The following MTNR1B variants were observed in gnomAD, a reference collection of about 807,000 sequenced individuals.
The protein encoded by MTNR1B is melatonin receptor 1B, also known as melatonin receptor type 1B.
Under a neutral mutation model 7.0 loss-of-function variants are expected in MTNR1B, and 7 were observed. The observed-to-expected ratio is 1.00, with a 90% CI of 0.57 to 1.88. The LOEUF (loss-of-function observed/expected upper bound fraction) is 1.88. Ranked by LOEUF, MTNR1B falls within the 40% of genes most tolerant of loss-of-function variation. The pLI is 0.00. For missense variants in MTNR1B, 478 were observed against 486.5 expected, an observed-to-expected ratio of 0.98 and a Z score of 0.16; for synonymous variants, 226 against 208.2, an observed-to-expected ratio of 1.09 and a Z score of -0.74.
chr11:92,974,893 C>T (rs182160407), intron 1 of MTNR1B, among the ~76,000 whole-genome samples: 109 of 152,216 alleles, frequency 7.2e-4, no homozygotes, highest in African/African-American at 2.4e-3. Context: ...TGAGCCACCG[C>T]GCCCGGCCTA....
chr11:92,970,258 G>A (rs1406026671), intron 1 of MTNR1B, among the ~76,000 whole-genome samples: 1 of 152,198 alleles, frequency 6.6e-6, no homozygotes, highest in East Asian at 1.9e-4. Flanking sequence ...ACCCCGTCGC[G>A]CTCCAATGCG....
chr11:92,984,734 C>T (rs1591909576), downstream of MTNR1B: 2 of 376,838 alleles, frequency 5.3e-6, no homozygotes, highest in East Asian at 7.3e-5. Context: ...TTCCTGGGCC[C>T]ATAGCTGTTA....
chr11:92,980,575 G>A (rs1858086943), intron 1 of MTNR1B, among the ~76,000 whole-genome samples: 1 of 152,116 alleles, frequency 6.6e-6, no homozygotes, highest in Admixed American at 6.5e-5. Flanking sequence ...TTAATTGATG[G>A]GTGTATCATT....
intron 1 of MTNR1B, among the ~76,000 whole-genome samples, chr11:92,977,736 T>C (rs1858032408): frequency 6.6e-6 from 1 of 152,228 alleles, no homozygotes; most frequent in South Asian, 2.1e-4. Context: ...CATGGGCATC[T>C]CAATGGCAGG....
chr11:92,982,946 C>G (rs895508975), downstream of MTNR1B, among the ~76,000 whole-genome samples: 14 of 95,140 alleles, frequency 1.5e-4, 3 homozygotes, highest in African/African-American at 3.6e-4. Context: ...ACCCCCCCCC[C>G]CCACACACAC....
In MTNR1B at chr11:92,981,937, C is replaced by T; in HGVS notation, c.714C>T (p.Ser238=). The stretch of plus-strand genomic sequence containing the variant: ...CCCGCAGGAAAGCCAAGCCAGAGAG[C>T]AGGCTGTGCCTGAAGCCCAGCGACT... ...LQARRKAKPE[S]RLCLKPSDLR... is the part of the protein sequence containing the mutation. The change falls in exon 2 of 2, where the codon AGC becomes AGT. Residue 238 remains serine, a synonymous_variant. Coordinates refer to ENST00000257068, the MANE Select transcript of MTNR1B (RefSeq NM_005959.5). The T allele has an allele frequency of 6.2e-7, 1 of 1,614,238 alleles. No homozygotes were observed. The highest frequency in any genetic ancestry group is 8.5e-7 in the Non-Finnish European group (1 of 1,180,048).
downstream of MTNR1B, among the ~76,000 whole-genome samples, chr11:92,983,942 G>A (rs1367694941): frequency 1.3e-5 from 2 of 152,142 alleles, no homozygotes; most frequent in African/African-American, 2.4e-5. Flanking sequence ...CAAAAATGTG[G>A]AATGATTGCC....
At chr11:92,977,878 C>T (rs544672764) in intron 1 of MTNR1B, among the ~76,000 whole-genome samples, 1 of 152,310 alleles carries the variant, frequency 6.6e-6, no homozygotes, top group African/African-American at 2.4e-5. Context: ...TGTTAGAAAA[C>T]ATAGATCATT....
Position 92,982,355 on chromosome 11 carries a change from T to C in MTNR1B, c.*43T>C, listed in dbSNP as rs1047045233. ...CCAGCAGCATGACAAACTCATGAAA[T>C]GGTGGGAGAGAGTCTGCTGCAAGGG... On this transcript the variant is annotated 3_prime_UTR_variant, in exon 2 of 2. Transcript: ENST00000257068. 3 of 1,580,898 alleles carry C rather than the reference T, an allele frequency of 1.9e-6. No individual in the cohort carries two copies. Among genetic ancestry groups the C allele is most frequent in the Admixed American group, 1.8e-5 (1 of 55,658 alleles).
Position 92,981,870 on chromosome 11 carries a change from T to C in MTNR1B, c.647T>C (p.Val216Ala). 3 of 1,614,204 alleles carry C rather than the reference T, an allele frequency of 1.9e-6. No individual in the cohort carries two copies. Among genetic ancestry groups the C allele is most frequent in the Non-Finnish European group, 2.5e-6 (3 of 1,180,024 alleles). The change falls in exon 2 of 2, where the codon GTG (valine) becomes GCG (alanine). Residue 216 changes from valine (V) to alanine (A), a missense_variant. Val to Ala is a moderately conservative substitution (Grantham distance 64, BLOSUM62 0). Transcript: ENST00000257068. ...CACTTCCTCCTCCCTATCGCTGTCG[T>C]GTCCTTCTGCTACCTGCGCATCTGG... ...VIHFLLPIAVVSFCYLRIWVL... is the reference protein window; with the variant it reads ...VIHFLLPIAVASFCYLRIWVL...
intron 1 of MTNR1B, 82 bp downstream of exon 1, chr11:92,970,030 C>T: frequency 7.2e-7 from 1 of 1,389,446 alleles, no homozygotes; most frequent in Non-Finnish European, 9.5e-7. Context: ...GGGATATGCG[C>T]TGCCTTTTCC....
chr11:92,981,958 C>G lies in MTNR1B; in HGVS notation c.735C>G (p.Ser245Arg). 6.2e-7 allele frequency: 1 copy of G among 1,614,250 alleles called. No homozygotes were observed. Among genetic ancestry groups the G allele is most frequent in the Non-Finnish European group, 8.5e-7 (1 of 1,180,050 alleles). The stretch of plus-strand genomic sequence containing the variant: ...AGAGCAGGCTGTGCCTGAAGCCCAG[C>G]GACTTGCGGAGCTTTCTAACCATGT... ...KPESRLCLKP[S>R]DLRSFLTMFV... The change falls in exon 2 of 2, where the codon AGC (serine) becomes AGG (arginine). Residue 245 changes from serine (S) to arginine (R), a missense_variant. By Grantham distance (110) the Ser-to-Arg change is moderately radical. Transcript: ENST00000257068.
intron 1 of MTNR1B, among the ~76,000 whole-genome samples, chr11:92,975,946 T>C (rs1208294323): frequency 6.6e-6 from 1 of 152,246 alleles, no homozygotes; most frequent in African/African-American, 2.4e-5. Context: ...CTTGGACTCC[T>C]TCCTGAATGT....
chr11:92,977,055 A>T (rs1483162558), intron 1 of MTNR1B, among the ~76,000 whole-genome samples: 1 of 152,222 alleles, frequency 6.6e-6, no homozygotes, highest in African/African-American at 2.4e-5. Flanking sequence ...ATCTCTTTTG[A>T]TGGTTATTGA....
At chr11:92,972,723 C>T (rs1299764025) in intron 1 of MTNR1B, 2 of 353,586 alleles carry the variant, frequency 5.7e-6, no homozygotes, top group South Asian at 2.2e-5. Context: ...TACTGAGAGC[C>T]GTTGAGAACT....
chr11:92,980,444 C>A (rs970471817), intron 1 of MTNR1B, among the ~76,000 whole-genome samples: 16 of 152,222 alleles, frequency 1.1e-4, no homozygotes, highest in African/African-American at 3.6e-4. Flanking sequence ...GTTCTTGGTG[C>A]TCTATTCGTG....
downstream of MTNR1B, among the ~76,000 whole-genome samples, chr11:92,983,535 AG>A: frequency 6.7e-6 from 1 of 149,124 alleles, no homozygotes; most frequent in Non-Finnish European, 1.5e-5. Flanking sequence ...AAAAAAAAAA[AG>A]AAGAAGAAGT....
rs756588201 is a variant in MTNR1B, at chr11:92,969,929, C to A, written c.204C>A (p.Asn68Lys). 30 of 1,611,184 alleles carry A rather than the reference C, an allele frequency of 1.9e-5. No homozygotes were observed. The highest frequency in any genetic ancestry group is 1.6e-4 in the Middle Eastern group (1 of 6,078). Residue 68 changes from asparagine (N) to lysine (K), a missense_variant, in exon 1 of 2, where the codon AAC (asparagine) becomes AAA (lysine). Physicochemically the swap from Asn to Lys is moderately conservative, Grantham distance 94. Transcript: ENST00000257068. ...TGGTGATCCTCTCCGTGCTCAGGAA[C>A]CGCAAGCTCCGGAACGCAGGTGAGC... Reference protein sequence around the residue: ...NLLVILSVLRNRKLRNAGNLF... With the variant: ...NLLVILSVLRKRKLRNAGNLF...
chr11:92,980,628 T>A (rs2136516830), intron 1 of MTNR1B, among the ~76,000 whole-genome samples: 1 of 152,290 alleles, frequency 6.6e-6, no homozygotes, highest in African/African-American at 2.4e-5. Context: ...TGATGTTGGA[T>A]AAGGCTCCAT....
Sources: gnomAD v4.1 joint callset for allele counts (sites outside exome capture counted in the v4.1 genomes callset) on GRCh38, gnomAD v4.1.1 for gene constraint, MANE v1.5 for transcripts, NCBI Gene and HGNC (gene_info 2026-07-23, HGNC 2026-07-21) for gene names.